AGAP1: variants seen among roughly 807,000 people sequenced by gnomAD.
AGAP1 encodes arf-GAP with GTPase, ANK repeat and PH domain-containing protein 1.
In AGAP1, 29 loss-of-function variants were observed where a neutral mutation model predicts 105.3. The ratio of observed to expected loss-of-function variants is 0.28; its 90% CI spans 0.21 to 0.38. The LOEUF is 0.38. Ranked by LOEUF, AGAP1 falls within the 10% of genes least tolerant of loss-of-function variation. The pLI, the probability that AGAP1 is intolerant of heterozygous loss-of-function variation, is 1.00. For missense variants in AGAP1, 998 were observed against 1,165.1 expected, an observed-to-expected ratio of 0.86 and a Z score of 2.09; for synonymous variants, 509 against 485.9, an observed-to-expected ratio of 1.05 and a Z score of -0.63.
Position 235,936,643 on chromosome 2 carries a change from C to T in AGAP1, c.1483+5720C>T, listed in dbSNP as rs2053004900. 6.6e-6 allele frequency among the ~76,000 whole-genome samples: 1 copy of T among 152,102 alleles called. No individual in the cohort carries two copies. The highest frequency in any genetic ancestry group is 2.1e-4 in the South Asian group (1 of 4,822). On this transcript the variant is annotated intron_variant, in intron 12 of 17. Transcript: ENST00000304032. The surrounding 1 kb of genome is among the most constrained non-coding windows in gnomAD (Gnocchi z 4.7). ...TTTTTTTCTCTTCTTGGATATTATA[C>T]TGACAATTTTAGTGTATGACCAGCA...
rs1230841159 is a variant in AGAP1, at chr2:235,600,064, C to T, written c.163+105215C>T. ...TCAACTTCAGGGGAATATAAACAGC[C>T]TCCAGGGAGCCCCTCTCTCCATCCC... On this transcript the variant is annotated intron_variant, in intron 1 of 17. Coordinates refer to ENST00000304032, the MANE Select transcript of AGAP1 (RefSeq NM_001037131.3). The surrounding 1 kb of genome is among the most constrained non-coding windows in gnomAD (Gnocchi z 4.8). Among the ~76,000 whole-genome samples the T allele has an allele frequency of 6.6e-6, 1 of 152,208 alleles. No individual in the cohort carries two copies. The highest frequency in any genetic ancestry group is 1.5e-5 in the Non-Finnish European group (1 of 68,036).
At chr2:235,644,771 A>C (rs781284204) in intron 1 of AGAP1, among the ~76,000 whole-genome samples, 4 of 152,148 alleles carry the variant, frequency 2.6e-5, no homozygotes, top group Non-Finnish European at 4.4e-5. Context: ...ATGGATTGGG[A>C]ACCCCTGTTA....
At chr2:235,940,959 G>A (rs934408772) in intron 12 of AGAP1, among the ~76,000 whole-genome samples, 1 of 152,216 alleles carries the variant, frequency 6.6e-6, no homozygotes, top group Non-Finnish European at 1.5e-5. Context: ...GTGGTGGCAG[G>A]GGTGGGGTGG....
In AGAP1 at chr2:235,964,015, T is replaced by G. The variant is rs1256813127; in HGVS notation, c.1484-4447T>G. ...AATGCACCTACTGTAGGCTCAGCAT[T>G]GCACAAGTCACCACAGGGGAGGCGA... On this transcript the variant is annotated intron_variant, in intron 12 of 17. Coordinates refer to ENST00000304032, the MANE Select transcript of AGAP1 (RefSeq NM_001037131.3). The surrounding 1 kb of genome is among the most constrained non-coding windows in gnomAD (Gnocchi z 4.6). Among the ~76,000 whole-genome samples the G allele has an allele frequency of 6.6e-6, 1 of 152,214 alleles. No homozygotes were observed. The highest frequency in any genetic ancestry group is 1.9e-4 in the East Asian group (1 of 5,188).
chr2:235,782,853 C>T (rs1956353643), intron 6 of AGAP1, among the ~76,000 whole-genome samples: 2 of 152,122 alleles, frequency 1.3e-5, no homozygotes, highest in African/African-American at 4.8e-5. Flanking sequence ...TAAGGTAAAC[C>T]TACTGATTGT....
intron 1 of AGAP1, among the ~76,000 whole-genome samples, chr2:235,677,959 C>CAAAAAAAAAAAAAAAAAA (rs1448333130): frequency 5.9e-5 from 4 of 67,350 alleles, no homozygotes; most frequent in Non-Finnish European, 9.2e-5. Flanking sequence ...AAAAAAAAAG[C>CAAAAAAAAAAAAAAAAAA]AAAACCAGTT....
chr2:235,543,913 A>G (rs1479339955), intron 1 of AGAP1, among the ~76,000 whole-genome samples: 2 of 152,124 alleles, frequency 1.3e-5, no homozygotes, highest in African/African-American at 4.8e-5. Flanking sequence ...TTCCAGGGTA[A>G]TATCTGGTCA....
intron 1 of AGAP1, among the ~76,000 whole-genome samples, chr2:235,693,288 G>A (rs1291525091): frequency 6.6e-6 from 1 of 152,176 alleles, no homozygotes; most frequent in Non-Finnish European, 1.5e-5. Context: ...TAGGAGCTGG[G>A]GTAGTACTCA....
At position 235,994,841 on chromosome 2, in the gene AGAP1, C is replaced by T. The variant is rs1316084553; in HGVS notation, c.1645+26218C>T. Among the ~76,000 whole-genome samples, 8 of 150,324 alleles carry T rather than the reference C, an allele frequency of 5.3e-5. No individual in the cohort carries two copies. The highest frequency in any genetic ancestry group is 2.1e-4 in the South Asian group (1 of 4,752). On this transcript the variant is annotated intron_variant, in intron 13 of 17. Coordinates refer to ENST00000304032, the MANE Select transcript of AGAP1 (RefSeq NM_001037131.3). This position sits in a 1 kb window ranked among gnomAD's most constrained non-coding sequence, Gnocchi z 4.4. The stretch of plus-strand genomic sequence containing the variant: ...TAGCACTTTGGGAGGCCGAGGCGGG[C>T]GGATCACGAGGTCAGGAGTTTGAGA...
rs2057979165 is a variant in AGAP1 at position 236,053,879 on chromosome 2, G to C, written c.2114+4598G>C. 2.0e-5 allele frequency among the ~76,000 whole-genome samples: 3 copies of C among 152,266 alleles called. No homozygotes were observed. In the South Asian group the frequency reaches 6.2e-4, roughly 31 times the overall value. On this transcript the variant is annotated intron_variant, in intron 16 of 17. Transcript: ENST00000304032. This position sits in a 1 kb window ranked among gnomAD's most constrained non-coding sequence, Gnocchi z 4.6. ...TTGATGCCACTTGGAAGGGAACCGAGTTTGCTGATTTAGTACGTATTCTTT... is the reference window on the plus strand; with the variant it reads ...TTGATGCCACTTGGAAGGGAACCGACTTTGCTGATTTAGTACGTATTCTTT...
chr2:235,674,666 ATCAG>A (rs989241558), intron 1 of AGAP1, among the ~76,000 whole-genome samples: 6 of 149,182 alleles, frequency 4.0e-5, no homozygotes, highest in Non-Finnish European at 7.4e-5. Flanking sequence ...CTTGATTTGT[ATCAG>A]TCAATTACTG....
intron 10 of AGAP1, among the ~76,000 whole-genome samples, chr2:235,898,417 G>T (rs1387488165): frequency 6.6e-6 from 1 of 151,854 alleles, no homozygotes; most frequent in African/African-American, 2.4e-5. Context: ...AAAAAAAGGT[G>T]GGGGAAGAGA....
chr2:236,121,038 G>A lies in AGAP1; in HGVS notation c.2370+591G>A, dbSNP rs1332346183. 6.6e-6 allele frequency among the ~76,000 whole-genome samples: 1 copy of A among 152,228 alleles called. No individual in the cohort carries two copies. The highest frequency in any genetic ancestry group is 1.5e-5 in the Non-Finnish European group (1 of 68,038). On this transcript the variant is annotated intron_variant, in intron 17 of 17. Coordinates refer to ENST00000304032, the MANE Select transcript of AGAP1 (RefSeq NM_001037131.3). This position sits in a 1 kb window ranked among gnomAD's most constrained non-coding sequence, Gnocchi z 4.9. ...ACGTCTGAGAAGCCACGCCCACTTA[G>A]GGGCTGCCTGTGGACCCCTGGGGCT... is the stretch of plus-strand genomic sequence containing the variant.
chr2:235,952,653 C>T (rs1208969161), intron 12 of AGAP1, among the ~76,000 whole-genome samples: 1 of 152,078 alleles, frequency 6.6e-6, no homozygotes, highest in East Asian at 1.9e-4. Flanking sequence ...CTACTATTTC[C>T]CCAGGGCCTT....
intron 1 of AGAP1, among the ~76,000 whole-genome samples, chr2:235,572,005 T>TACACAC (rs1559257500): frequency 0.17 from 12,091 of 71,974 alleles, 749 homozygotes; most frequent in Non-Finnish European, 0.21. Flanking sequence ...CACACACACT[T>TACACAC]TTTTTTTTTT....
chr2:235,812,336 C>T (rs1266489273), intron 9 of AGAP1, among the ~76,000 whole-genome samples: 2 of 152,224 alleles, frequency 1.3e-5, no homozygotes, highest in Non-Finnish European at 2.9e-5. Context: ...CCGCCGCACC[C>T]GCCATCGGGC....
Position 235,865,504 on chromosome 2 carries a change from C to T in AGAP1, c.1051-17841C>T, listed in dbSNP as rs1373558705. ...CTTTGTGCCCTGCAACCTGGCACAA[C>T]GACAGAAATATTACTCGCCGGAAAG... On this transcript the variant is annotated intron_variant, in intron 9 of 17. Coordinates refer to ENST00000304032, the MANE Select transcript of AGAP1 (RefSeq NM_001037131.3). The surrounding 1 kb of genome is among the most constrained non-coding windows in gnomAD (Gnocchi z 6.2). Among the ~76,000 whole-genome samples the T allele has an allele frequency of 3.9e-5, 6 of 152,270 alleles. No individual in the cohort carries two copies. Among genetic ancestry groups the T allele is most frequent in the East Asian group, 1.9e-4 (1 of 5,178 alleles).
chr2:235,515,549 AGTT>A (rs1227876581), intron 1 of AGAP1, among the ~76,000 whole-genome samples: 1 of 152,082 alleles, frequency 6.6e-6, no homozygotes, highest in Non-Finnish European at 1.5e-5. Flanking sequence ...GTCAACACGG[AGTT>A]GTTTGTCAGG....
intron 9 of AGAP1, among the ~76,000 whole-genome samples, chr2:235,825,748 T>G (rs1168608685): frequency 6.6e-6 from 1 of 152,204 alleles, no homozygotes; most frequent in African/African-American, 2.4e-5. Context: ...ATTTGAAATG[T>G]TAAAACCCTC....
Sources: gnomAD v4.1 joint callset for allele counts (sites outside exome capture counted in the v4.1 genomes callset) on GRCh38, gnomAD v4.1.1 for gene constraint, Gnocchi (gnomAD v3.1) non-coding constraint, MANE v1.5 for transcripts, NCBI Gene and HGNC (gene_info 2026-07-23, HGNC 2026-07-21) for gene names.